The following POC1B variants were observed in gnomAD, a reference collection of about 807,000 sequenced individuals.
POC1B encodes the protein POC1 centriolar protein homolog B.
Under a neutral mutation model 60.6 loss-of-function variants are expected in POC1B, and 44 were observed. That is an observed-to-expected ratio of 0.73 (90% confidence interval 0.57 to 0.93). The LOEUF (loss-of-function observed/expected upper bound fraction) is 0.93. Ranked by LOEUF, POC1B falls within the 40% of genes least tolerant of loss-of-function variation. POC1B has a pLI of 0.00. For synonymous variants in POC1B, 180 were observed against 198.9 expected (o/e 0.90, Z 0.80); for missense variants, 555 against 572.3 (o/e 0.97, Z 0.31).
At chr12:89,413,585 A>G in the POC1B span, among the ~76,000 whole-genome samples, 1 of 152,088 alleles carries the variant, frequency 6.6e-6, no homozygotes, top group African/African-American at 2.4e-5. Flanking sequence ...TTTCTTTTTC[A>G]TATTTTCTGT....
intron 4 of POC1B, among the ~76,000 whole-genome samples, chr12:89,481,358 G>A (rs1213056023): frequency 6.6e-6 from 1 of 152,108 alleles, no homozygotes; most frequent in African/African-American, 2.4e-5. Flanking sequence ...AATATATGAA[G>A]CAACTGTTTT....
chr12:89,440,575 A>AAGG (rs1881468390), intron 10 of POC1B, among the ~76,000 whole-genome samples: 1 of 152,202 alleles, frequency 6.6e-6, no homozygotes, highest in South Asian at 2.1e-4. Flanking sequence ...TTCTCCTTAC[A>AAGG]CTTAGGAAAA....
chr12:89,470,945 C>T (rs111846040), intron 6 of POC1B, among the ~76,000 whole-genome samples: 15 of 152,302 alleles, frequency 9.8e-5, no homozygotes, highest in African/African-American at 3.4e-4. Flanking sequence ...CAACAGGAGG[C>T]AGTATAACAC....
In POC1B at chr12:89,499,199, T is replaced by G. The variant is rs547080502; in HGVS notation, c.101-1857A>C. On this transcript the variant is annotated intron_variant, in intron 2 of 11. Transcript: ENST00000313546. The stretch of plus-strand genomic sequence containing the variant: ...GAGAAGCCATGGTGGGAGGTGTGTC[T>G]TCTTCTTCTAAAGTGCAATGTGCCA... 3.5e-4 allele frequency among the ~76,000 whole-genome samples: 53 copies of G among 152,262 alleles called. 1 individual carries two copies. Among genetic ancestry groups the G allele is most frequent in the Non-Finnish European group, 6.8e-4 (46 of 68,022 alleles).
intron 2 of POC1B, chr12:89,522,097 G>A (rs1414912201): frequency 2.5e-6 from 1 of 398,858 alleles, no homozygotes; most frequent in East Asian, 3.6e-5. Context: ...TACAAAATCA[G>A]AGGAATCTGA....
the POC1B span, among the ~76,000 whole-genome samples, chr12:89,414,144 C>G: frequency 6.6e-6 from 1 of 152,192 alleles, no homozygotes; most frequent in African/African-American, 2.4e-5. Context: ...CCGCCCACCT[C>G]GGCCTCCCAA....
chr12:89,501,488 T>C, intron 2 of POC1B: 5 of 995,226 alleles, frequency 5.0e-6, no homozygotes, highest in Non-Finnish European at 6.1e-6. Context: ...GACAGAAATA[T>C]GGAAGAGCGT....
downstream of POC1B, among the ~76,000 whole-genome samples, chr12:89,417,977 A>G (rs1880392614): frequency 1.3e-5 from 2 of 152,180 alleles, no homozygotes; most frequent in South Asian, 4.1e-4. Context: ...CTGTGTGCCT[A>G]CTACAAACTG....
chr12:89,441,853 G>A (rs780871809), intron 10 of POC1B, among the ~76,000 whole-genome samples: 2 of 152,160 alleles, frequency 1.3e-5, no homozygotes, highest in African/African-American at 2.4e-5. Context: ...CGAACCCATC[G>A]CAAAGAAGTT....
intron 4 of POC1B, among the ~76,000 whole-genome samples, chr12:89,489,541 C>T (rs755042154): frequency 6.6e-6 from 1 of 152,310 alleles, no homozygotes; most frequent in Middle Eastern, 3.4e-3. Context: ...TTCTTAGGCT[C>T]ATGGCCATAG....
At chr12:89,436,027 C>T (rs1349151572) in intron 10 of POC1B, among the ~76,000 whole-genome samples, 6 of 151,860 alleles carry the variant, frequency 4.0e-5, no homozygotes, top group African/African-American at 1.5e-4. Context: ...TCACCACAAC[C>T]TCTGCCTCCC....
At chr12:89,501,561 T>C (rs759555087) in intron 2 of POC1B, 106 of 1,323,488 alleles carry the variant, frequency 8.0e-5, no homozygotes, top group Admixed American at 1.8e-4. Context: ...GCAAGAAAAG[T>C]AGCACTAGAA....
Position 89,432,947 on chromosome 12 carries a change from T to G in POC1B, c.1114-7568A>C, listed in dbSNP as rs538339773. On this transcript the variant is annotated intron_variant, in intron 10 of 11. Coordinates refer to ENST00000313546, the MANE Select transcript of POC1B (RefSeq NM_172240.3). The stretch of plus-strand genomic sequence containing the variant: ...AGAAGGCAGGAGCAGGAAAGGTGAC[T>G]GGTGGCCCTTGAGGTTGAAGACTAC... 3.3e-5 allele frequency among the ~76,000 whole-genome samples: 5 copies of G among 152,266 alleles called. No individual in the cohort carries two copies. The East Asian group carries it at 7.7e-4, about 24-fold the overall frequency.
At chr12:89,471,398 C>A (rs1311818967) in intron 6 of POC1B, among the ~76,000 whole-genome samples, 2 of 151,936 alleles carry the variant, frequency 1.3e-5, no homozygotes, top group African/African-American at 4.8e-5. Flanking sequence ...TTTCTTTAAA[C>A]CAGCCCTCAC....
At chr12:89,438,619 C>T (rs1881380320) in intron 10 of POC1B, among the ~76,000 whole-genome samples, 1 of 152,248 alleles carries the variant, frequency 6.6e-6, no homozygotes. Context: ...ACACCATACT[C>T]TTTGGCTTCC....
At chr12:89,409,439 G>A in the POC1B span, among the ~76,000 whole-genome samples, 22 of 152,258 alleles carry the variant, frequency 1.4e-4, no homozygotes, top group African/African-American at 4.8e-4. Flanking sequence ...TTGTAGATGC[G>A]TGGTGTTATT....
chr12:89,473,523 T>C (rs986739037), intron 4 of POC1B, among the ~76,000 whole-genome samples: 2 of 151,858 alleles, frequency 1.3e-5, no homozygotes, highest in African/African-American at 4.8e-5. Context: ...TAGCCAGGCA[T>C]AGTGGCAGGT....
At chr12:89,473,767 A>G (rs1883000583) in intron 4 of POC1B, among the ~76,000 whole-genome samples, 1 of 152,036 alleles carries the variant, frequency 6.6e-6, no homozygotes, top group Non-Finnish European at 1.5e-5. Context: ...AAATTTATTA[A>G]TATTTTCTTT....
At chr12:89,501,916 G>A in intron 2 of POC1B, 2 of 1,122,848 alleles carry the variant, frequency 1.8e-6, no homozygotes. Flanking sequence ...AGGTATCATT[G>A]GTCATGATGA....
Sources: gnomAD v4.1 joint callset for allele counts (sites outside exome capture counted in the v4.1 genomes callset) on GRCh38, gnomAD v4.1.1 for gene constraint, MANE v1.5 for transcripts, NCBI Gene and HGNC (gene_info 2026-07-23, HGNC 2026-07-21) for gene names.